RNLS: variants seen among roughly 807,000 people sequenced by gnomAD.
The protein encoded by RNLS is renalase.
Under a neutral mutation model 39.8 loss-of-function variants are expected in RNLS, and 39 were observed. The ratio of observed to expected loss-of-function variants is 0.98; its 90% confidence interval spans 0.76 to 1.28. RNLS has a LOEUF of 1.28. RNLS is among the 50% of genes most tolerant of loss of function. The pLI is 0.00. For missense variants in RNLS, 410 were observed against 413.3 expected, an observed-to-expected ratio of 0.99 and a Z score of 0.07; for synonymous variants, 147 against 150.7, an observed-to-expected ratio of 0.98 and a Z score of 0.18.
In RNLS at chr10:88,575,124, G is replaced by GTATATA. The variant is rs1174268534; in HGVS notation, c.368-2069_368-2064dup. ...CAATGGCCACAAGGTGTTCTGCAAA[G>GTATATA]TATATATATATATATATATATATAT... On this transcript the variant is annotated intron_variant, in intron 3 of 6. Coordinates refer to ENST00000331772, the MANE Select transcript of RNLS (RefSeq NM_001031709.3). Among the ~76,000 whole-genome samples the GTATATA allele has an allele frequency of 1.9e-3, 183 of 98,896 alleles. 1 individual carries two copies. Among genetic ancestry groups the GTATATA allele is most frequent in the Admixed American group, 3.2e-3 (27 of 8,512 alleles). The allele number at this position is 98,896 out of a possible 152,430, so 64.9% of individuals were successfully genotyped here. A position where few individuals can be genotyped will look rare whatever the true frequency, so the allele number is the denominator to read the frequency against.
intron 4 of RNLS, among the ~76,000 whole-genome samples, chr10:88,556,653 C>T (rs1590012263): frequency 6.6e-6 from 1 of 152,080 alleles, no homozygotes; most frequent in Non-Finnish European, 1.5e-5. Flanking sequence ...ACACTGGCTG[C>T]CTTATAAAAC....
chr10:88,411,417 G>A (rs1853647138), intron 4 of RNLS, among the ~76,000 whole-genome samples: 1 of 151,992 alleles, frequency 6.6e-6, no homozygotes, highest in Non-Finnish European at 1.5e-5. Context: ...ATTAGGCAGA[G>A]TCTAATTCTG....
intron 4 of RNLS, among the ~76,000 whole-genome samples, chr10:88,421,553 TGTGAA>T (rs1236713312): frequency 6.6e-6 from 1 of 152,194 alleles, no homozygotes. Context: ...AGTCTGGACT[TGTGAA>T]GTGGTCTTCT....
chr10:88,582,988 G>C, intron 1 of RNLS, 85 bp downstream of exon 1: 1 of 1,468,778 alleles, frequency 6.8e-7, no homozygotes. Flanking sequence ...TTTCGCCTTA[G>C]ACTTTCTTGG....
At chr10:88,422,327 T>G (rs575396745) in intron 4 of RNLS, among the ~76,000 whole-genome samples, 13 of 152,122 alleles carry the variant, frequency 8.5e-5, no homozygotes, top group Non-Finnish European at 1.8e-4. Context: ...ATTCGAAGCC[T>G]GAAAGAAAAA....
chr10:88,434,469 G>A (rs1855337511), intron 4 of RNLS, among the ~76,000 whole-genome samples: 4 of 152,138 alleles, frequency 2.6e-5, no homozygotes, highest in Admixed American at 2.6e-4. Flanking sequence ...TTCTTATTAT[G>A]TGGTGTTAAT....
At chr10:88,243,062 TC>T in the RNLS span, among the ~76,000 whole-genome samples, 1 of 152,220 alleles carries the variant, frequency 6.6e-6, no homozygotes, top group African/African-American at 2.4e-5. Context: ...TTAAGTCTCA[TC>T]AGTAAAACAG....
chr10:88,176,095 T>G, the RNLS span, among the ~76,000 whole-genome samples: 4 of 152,358 alleles, frequency 2.6e-5, no homozygotes, highest in Admixed American at 2.0e-4. Flanking sequence ...GCTCTGTCTT[T>G]ACAGGTGAAG....
the RNLS span, among the ~76,000 whole-genome samples, chr10:88,258,910 C>T: frequency 5.9e-5 from 9 of 152,186 alleles, no homozygotes; most frequent in African/African-American, 2.2e-4. Flanking sequence ...TGTGGGGCAA[C>T]AAAGTGCAGT....
chr10:88,519,332 C>T (rs1285809320), intron 4 of RNLS, among the ~76,000 whole-genome samples: 1 of 151,900 alleles, frequency 6.6e-6, no homozygotes, highest in Non-Finnish European at 1.5e-5. Context: ...TTGCCTCCCA[C>T]ATGTAATCTC....
chr10:88,182,441 G>C, the RNLS span, among the ~76,000 whole-genome samples: 11 of 152,182 alleles, frequency 7.2e-5, no homozygotes, highest in Admixed American at 7.2e-4. Flanking sequence ...TTCAAAATGC[G>C]TGGGGGTCAG....
chr10:88,449,012 G>C (rs940250433), intron 4 of RNLS, among the ~76,000 whole-genome samples: 3 of 152,184 alleles, frequency 2.0e-5, no homozygotes, highest in African/African-American at 7.2e-5. Flanking sequence ...AGTGCGGGGA[G>C]GGAGAAGGGA....
chr10:88,475,309 A>C (rs895337438), intron 4 of RNLS, among the ~76,000 whole-genome samples: 2 of 152,164 alleles, frequency 1.3e-5, no homozygotes, highest in African/African-American at 4.8e-5. Flanking sequence ...AACTCAAGAG[A>C]AAGGCATCTG....
the RNLS span, among the ~76,000 whole-genome samples, chr10:88,188,947 T>C: frequency 4.6e-5 from 7 of 152,208 alleles, no homozygotes; most frequent in Non-Finnish European, 8.8e-5. Flanking sequence ...CTTAAAATGA[T>C]GTCAATTGAA....
At chr10:88,438,779 G>A (rs1046190873) in intron 4 of RNLS, among the ~76,000 whole-genome samples, 2 of 152,182 alleles carry the variant, frequency 1.3e-5, no homozygotes, top group Admixed American at 6.5e-5. Context: ...TGCTCCTCTT[G>A]GCTCACTGGA....
chr10:88,548,134 TG>T (rs1424618516), intron 4 of RNLS, among the ~76,000 whole-genome samples: 1 of 150,474 alleles, frequency 6.6e-6, no homozygotes, highest in African/African-American at 2.4e-5. Context: ...TGGTGGCGTG[TG>T]CCTGTAGTCC....
At chr10:88,372,201 G>A (rs1357321648) in intron 4 of RNLS, among the ~76,000 whole-genome samples, 1 of 152,096 alleles carries the variant, frequency 6.6e-6, no homozygotes, top group Non-Finnish European at 1.5e-5. Flanking sequence ...GGCTCAAACT[G>A]TTAGTGTGTT....
intron 4 of RNLS, among the ~76,000 whole-genome samples, chr10:88,571,520 C>G (rs1849835882): frequency 6.6e-6 from 1 of 152,156 alleles, no homozygotes; most frequent in Non-Finnish European, 1.5e-5. Context: ...CACATGCTCT[C>G]TAAGACTCCC....
intron 6 of RNLS, among the ~76,000 whole-genome samples, chr10:88,289,955 C>T (rs754067358): frequency 6.6e-6 from 1 of 151,956 alleles, no homozygotes; most frequent in Non-Finnish European, 1.5e-5. Flanking sequence ...CTGATTCCGT[C>T]GGTCAAAAAT....
Sources: gnomAD v4.1 joint callset for allele counts (sites outside exome capture counted in the v4.1 genomes callset) on GRCh38, gnomAD v4.1.1 for gene constraint, MANE v1.5 for transcripts, NCBI Gene and HGNC (gene_info 2026-07-23, HGNC 2026-07-21) for gene names.